GMEB2: variants seen among roughly 807,000 people sequenced by gnomAD.
The protein encoded by GMEB2 is glucocorticoid modulatory element-binding protein 2.
Under a neutral mutation model 45.7 loss-of-function variants are expected in GMEB2, and 7 were observed. The observed-to-expected ratio is 0.15, with a 90% CI of 0.09 to 0.29. The LOEUF is 0.29. Among genes scored for constraint, GMEB2 ranks in the 10% least tolerant of loss-of-function variants. The pLI, the probability that GMEB2 is intolerant of heterozygous loss-of-function variation, is 1.00. For synonymous variants in GMEB2, 322 were observed against 323.6 expected, an observed-to-expected ratio of 1.00 and a Z score of 0.05; for missense variants, 582 against 739.2, an observed-to-expected ratio of 0.79 and a Z score of 2.47.
intron 1 of GMEB2, among the ~76,000 whole-genome samples, chr20:63,625,257 C>T (rs1190339466): frequency 1.3e-5 from 2 of 151,384 alleles, no homozygotes; most frequent in East Asian, 2.0e-4. Context: ...CTCACTGCAA[C>T]CTCCGCCTCC....
At chr20:63,626,628 G>A (rs1440891064) in intron 1 of GMEB2, among the ~76,000 whole-genome samples, 1 of 151,620 alleles carries the variant, frequency 6.6e-6, no homozygotes, top group Non-Finnish European at 1.5e-5. Flanking sequence ...TGCCTGCGGG[G>A]TGGTCCCTGC....
intron 9 of GMEB2, 58 bp from the exon 10 acceptor site, chr20:63,590,787 A>T: frequency 2.8e-5 from 29 of 1,023,448 alleles, no homozygotes; most frequent in Non-Finnish European, 3.6e-5. Flanking sequence ...GGCGGCATGC[A>T]GGGGATGGGG....
intron 4 of GMEB2, among the ~76,000 whole-genome samples, chr20:63,601,803 TGGGGCCTGTG>T: frequency 6.6e-6 from 1 of 151,870 alleles, no homozygotes; most frequent in African/African-American, 2.4e-5. Context: ...GTGGCTTCTG[TGGGGCCTGTG>T]GCTTCTGTGC....
rs772904791 is a variant in GMEB2 at position 63,590,269 on chromosome 20, C to T, written c.1413G>A (p.Val471=). 5.0e-6 allele frequency: 8 copies of T among 1,612,638 alleles called. No homozygotes were observed. The highest frequency in any genetic ancestry group is 3.3e-5 in the South Asian group (3 of 91,078). ...AVQDGSTVFK[V]VSPLQLLTLP... is the part of the protein sequence containing the mutation. ...ACGTGAGCAGCTGTAGCGGGCTGAC[C>T]ACCTTGAACACCGTGCTACCGTCCT... is the stretch of plus-strand genomic sequence containing the variant. The change falls in exon 10 of 10, where the codon GTG becomes GTA. Residue 471 remains valine, a synonymous_variant. Transcript: ENST00000370077.
intron 3 of GMEB2, among the ~76,000 whole-genome samples, chr20:63,603,571 A>G (rs1197862837): frequency 6.6e-6 from 1 of 152,096 alleles, no homozygotes. Context: ...TCTACTAAAA[A>G]TACAAAAATT....
rs772264907 is a variant in GMEB2 at position 63,590,699 on chromosome 20, C to T, written c.983G>A (p.Arg328His). 3.3e-6 allele frequency: 5 copies of T among 1,520,328 alleles called. No homozygotes were observed. Among genetic ancestry groups the T allele is most frequent in the South Asian group, 1.3e-5 (1 of 77,204 alleles). The allele number at this position is 1,520,328 out of a possible 1,614,324, so 94.2% of individuals were successfully genotyped here. A position where few individuals can be genotyped will look rare whatever the true frequency, so the allele number is the denominator to read the frequency against. The change falls in exon 10 of 10, where the codon CGC becomes CAC. Residue 328 changes from arginine (R) to histidine (H), a missense_variant. Physicochemically the swap from Arg to His is conservative, Grantham distance 29 (BLOSUM62 0). This residue lies in a region of GMEB2 where 462 missense variants were observed against 586.7 expected (regional missense o/e 0.79). Coordinates refer to ENST00000370077, the MANE Select transcript of GMEB2 (RefSeq NM_012384.5). ...ALEQQCDEHR[R>H]RAKELKHKSQ... Reference sequence around the variant, plus strand: ...CTTGTGCTTCAGCTCCTTGGCTCGGCGACGATGCTCATCACACTGCTGCTC... The same window carrying T: ...CTTGTGCTTCAGCTCCTTGGCTCGGTGACGATGCTCATCACACTGCTGCTC...
chr20:63,625,848 G>A (rs1026530176), intron 1 of GMEB2, among the ~76,000 whole-genome samples: 2 of 152,096 alleles, frequency 1.3e-5, no homozygotes, highest in Non-Finnish European at 2.9e-5. Context: ...CGCCCACGTC[G>A]GGCTCCCAAA....
chr20:63,624,522 G>C (rs966607910), intron 1 of GMEB2, among the ~76,000 whole-genome samples: 2 of 152,136 alleles, frequency 1.3e-5, no homozygotes, highest in African/African-American at 4.8e-5. Flanking sequence ...TCTCACTGAG[G>C]AGACGCTGCT....
intron 1 of GMEB2, among the ~76,000 whole-genome samples, chr20:63,625,471 C>T (rs1167093255): frequency 6.6e-6 from 1 of 152,134 alleles, no homozygotes; most frequent in African/African-American, 2.4e-5. Context: ...CTACACCTGG[C>T]CTCTCCACAG....
chr20:63,602,773 T>TC (rs11452963), intron 4 of GMEB2, among the ~76,000 whole-genome samples, 192 bp downstream of exon 4: 26,027 of 151,994 alleles, frequency 0.17, 3,062 homozygotes, highest in East Asian at 0.49. Flanking sequence ...CGGGAGGGCC[T>TC]CCCAGCCTCC....
At chr20:63,597,323 G>C (rs897292192) in intron 5 of GMEB2, among the ~76,000 whole-genome samples, 2 of 151,748 alleles carry the variant, frequency 1.3e-5, no homozygotes, top group African/African-American at 4.8e-5. Context: ...ACCAAATCCA[G>C]ATAATTTTTT....
rs200007675 is a variant in GMEB2, at chr20:63,591,175, GCA to G, written c.953-448_953-447del. On this transcript the variant is annotated intron_variant, in intron 9 of 9. Coordinates refer to ENST00000370077, the MANE Select transcript of GMEB2 (RefSeq NM_012384.5). The stretch of plus-strand genomic sequence containing the variant: ...GGCACATGTGTTTAAACATAAACAT[GCA>G]CACACACATGCAGAGTGCACACACA... 7.7e-3 allele frequency among the ~76,000 whole-genome samples: 1,174 copies of G among 152,152 alleles called. 16 individuals carry two copies. The highest frequency in any genetic ancestry group is 0.026 in the African/African-American group (1,093 of 41,508).
intron 1 of GMEB2, among the ~76,000 whole-genome samples, chr20:63,621,245 G>T (rs1444277535): frequency 6.6e-6 from 1 of 152,144 alleles, no homozygotes; most frequent in African/African-American, 2.4e-5. Flanking sequence ...GGGGCTGGGG[G>T]AGGGAGTACA....
chr20:63,588,841 C>A lies in GMEB2; in HGVS notation c.*1248G>T, dbSNP rs759121069. Reference sequence around the variant, plus strand: ...GGCTGGCTGCTCCCTGAGATGCCTGCCCCAGGACCCTGGCCTGGAGGGGCC... The same window carrying A: ...GGCTGGCTGCTCCCTGAGATGCCTGACCCAGGACCCTGGCCTGGAGGGGCC... On this transcript the variant is annotated 3_prime_UTR_variant, in exon 10 of 10. Coordinates refer to ENST00000370077, the MANE Select transcript of GMEB2 (RefSeq NM_012384.5). 8.8e-5 allele frequency: 35 copies of A among 398,586 alleles called. No homozygotes were observed. The highest frequency in any genetic ancestry group is 1.1e-4 in the Non-Finnish European group (26 of 226,112). The allele number at this position is 398,586 out of a possible 1,614,324, so 24.7% of individuals were successfully genotyped here.
chr20:63,600,865 G>A (rs1487215636), intron 4 of GMEB2, among the ~76,000 whole-genome samples: 1 of 152,082 alleles, frequency 6.6e-6, no homozygotes, highest in Non-Finnish European at 1.5e-5. Context: ...GTAGAGTCAG[G>A]CTATGAACTG....
In GMEB2 at chr20:63,589,190, C is replaced by G; in HGVS notation, c.*899G>C. 2.5e-6 allele frequency: 1 copy of G among 399,202 alleles called. No homozygotes were observed. The highest frequency in any genetic ancestry group is 4.4e-6 in the Non-Finnish European group (1 of 226,132). The allele number at this position is 399,202 out of a possible 1,614,324, so 24.7% of individuals were successfully genotyped here. ...CAGGACTGAAGCCCTAGGGACACAC[C>G]TCATGGATCTCAGACCCCTGGGAGG... On this transcript the variant is annotated 3_prime_UTR_variant, in exon 10 of 10. Transcript: ENST00000370077.
intron 2 of GMEB2, among the ~76,000 whole-genome samples, chr20:63,611,948 C>G (rs1283966997): frequency 6.6e-6 from 1 of 151,998 alleles, no homozygotes; most frequent in Non-Finnish European, 1.5e-5. Context: ...CCCAGCTACT[C>G]AGGAGGCTGA....
chr20:63,598,989 CTT>C (rs1162331747), intron 4 of GMEB2, among the ~76,000 whole-genome samples: 1 of 152,200 alleles, frequency 6.6e-6, no homozygotes, highest in Non-Finnish European at 1.5e-5. Context: ...TTGCTTTCAC[CTT>C]TGTTACTCTT....
chr20:63,598,065 C>A (rs2083213045), intron 4 of GMEB2, among the ~76,000 whole-genome samples: 1 of 152,192 alleles, frequency 6.6e-6, no homozygotes, highest in South Asian at 2.1e-4. Flanking sequence ...AGTGGTGTCT[C>A]CTCCAGCCCT....
Sources: allele counts gnomAD v4.1 joint callset (sites outside exome capture counted in the v4.1 genomes callset), GRCh38; gene constraint gnomAD v4.1.1; regional missense constraint gnomAD v4.1.1; transcripts MANE v1.5; gene names NCBI Gene and HGNC (gene_info 2026-07-23, HGNC 2026-07-21).